Variants in TMEM272 observed in about 807,000 individuals in gnomAD.
TMEM272 encodes transmembrane protein 272.
TMEM272 carries 8 observed loss-of-function variants against 3.7 expected under a neutral mutation model. The observed-to-expected ratio is 2.17, with a 90% confidence interval of 1.27 to 3.91. The LOEUF is 3.91. Among genes scored for constraint, TMEM272 ranks in the 30% most tolerant of loss-of-function variants. TMEM272 has a pLI of 0.00. For missense variants in TMEM272, 166 were observed against 91.5 expected (o/e 1.81, Z -3.32); for synonymous variants, 63 against 39.8 (o/e 1.58, Z -2.20).
At chr13:51,867,474 G>C in the TMEM272 span, among the ~76,000 whole-genome samples, 23 of 152,152 alleles carry the variant, frequency 1.5e-4, no homozygotes, top group African/African-American at 4.6e-4. Flanking sequence ...CAGTGGCTTG[G>C]GGGTGGAGAG....
chr13:51,889,991 C>T, the TMEM272 span, among the ~76,000 whole-genome samples: 18 of 152,000 alleles, frequency 1.2e-4, no homozygotes, highest in East Asian at 1.9e-3. Context: ...ACAATTAAAA[C>T]GGGGTGCATG....
At chr13:51,906,587 C>T in the TMEM272 span, among the ~76,000 whole-genome samples, 1 of 152,192 alleles carries the variant, frequency 6.6e-6, no homozygotes, top group Non-Finnish European at 1.5e-5. Flanking sequence ...AAAGCATCTG[C>T]ATTTCTACAG....
intron 2 of TMEM272, among the ~76,000 whole-genome samples, chr13:51,836,853 G>C (rs1232378064): frequency 6.6e-6 from 1 of 152,182 alleles, no homozygotes; most frequent in African/African-American, 2.4e-5. Context: ...AAATGTTTTT[G>C]TCTGGCTGGA....
At chr13:51,930,132 C>CA in the TMEM272 span, among the ~76,000 whole-genome samples, 1 of 152,158 alleles carries the variant, frequency 6.6e-6, no homozygotes, top group South Asian at 2.1e-4. Flanking sequence ...TGCCTTCCCC[C>CA]CCCCCACTTT....
At chr13:51,869,957 G>A in the TMEM272 span, among the ~76,000 whole-genome samples, 2 of 152,224 alleles carry the variant, frequency 1.3e-5, no homozygotes, top group Non-Finnish European at 2.9e-5. Flanking sequence ...AAGTAGAGGG[G>A]ACGGAGAAGC....
the TMEM272 span, among the ~76,000 whole-genome samples, chr13:51,897,923 T>C: frequency 5.7e-4 from 2 of 3,498 alleles, no homozygotes; most frequent in Admixed American, 4.3e-3. Context: ...TGAGACTCCA[T>C]CTCAAAAAAA....
the TMEM272 span, chr13:51,909,628 C>G: frequency 7.0e-7 from 1 of 1,430,774 alleles, no homozygotes; most frequent in Admixed American, 1.7e-5. Flanking sequence ...TGGTTTCTTT[C>G]TCCTTCTAAG....
chr13:51,862,979 A>G, the TMEM272 span, among the ~76,000 whole-genome samples: 2 of 152,358 alleles, frequency 1.3e-5, no homozygotes, highest in East Asian at 3.9e-4. Context: ...CAAGTGTGAC[A>G]AGTAATAGTG....
At chr13:51,857,613 A>G in the TMEM272 span, among the ~76,000 whole-genome samples, 1 of 152,152 alleles carries the variant, frequency 6.6e-6, no homozygotes, top group Non-Finnish European at 1.5e-5. Flanking sequence ...TATAATCTCC[A>G]GGATAATTGC....
chr13:51,871,222 G>A, the TMEM272 span, among the ~76,000 whole-genome samples: 20 of 144,588 alleles, frequency 1.4e-4, no homozygotes, highest in African/African-American at 4.3e-4. Flanking sequence ...ATGGAGTCTC[G>A]CTCTGTTGCC....
At chr13:51,821,098 C>T (rs972217053) in intron 4 of TMEM272, among the ~76,000 whole-genome samples, 1 of 152,216 alleles carries the variant, frequency 6.6e-6, no homozygotes, top group Non-Finnish European at 1.5e-5. Flanking sequence ...CAGGATCTCT[C>T]CAAGGATCCC....
chr13:51,872,895 C>A, the TMEM272 span, among the ~76,000 whole-genome samples: 1 of 152,178 alleles, frequency 6.6e-6, no homozygotes. Context: ...GTTTTTCAGG[C>A]ACATGAGATC....
At chr13:51,927,636 T>C in the TMEM272 span, among the ~76,000 whole-genome samples, 13 of 152,310 alleles carry the variant, frequency 8.5e-5, no homozygotes, top group East Asian at 1.9e-3. Flanking sequence ...TCTTGTTCAC[T>C]AGCACCCTTT....
At chr13:51,856,590 G>C in the TMEM272 span, among the ~76,000 whole-genome samples, 1 of 152,138 alleles carries the variant, frequency 6.6e-6, no homozygotes, top group Non-Finnish European at 1.5e-5. Flanking sequence ...AAGCAAGATG[G>C]AGTCAACTAT....
At chr13:51,892,873 C>T in the TMEM272 span, among the ~76,000 whole-genome samples, 58 of 152,290 alleles carry the variant, frequency 3.8e-4, no homozygotes, top group Admixed American at 7.2e-4. Flanking sequence ...TTGCCTCACC[C>T]TCCCCTGGTT....
the TMEM272 span, among the ~76,000 whole-genome samples, chr13:51,899,913 T>C: frequency 2.0e-5 from 3 of 152,208 alleles, no homozygotes; most frequent in Non-Finnish European, 4.4e-5. Flanking sequence ...AACAGTCTTT[T>C]CAATAAGTGG....
At chr13:51,923,943 T>C in the TMEM272 span, among the ~76,000 whole-genome samples, 1 of 152,232 alleles carries the variant, frequency 6.6e-6, no homozygotes, top group Non-Finnish European at 1.5e-5. Context: ...TACCTGCCTT[T>C]TGGCACCCCT....
chr13:51,852,405 T>C, the TMEM272 span, among the ~76,000 whole-genome samples: 42,906 of 152,168 alleles, frequency 0.28, 6,126 homozygotes, highest in Middle Eastern at 0.43. Context: ...GCAGTGAACA[T>C]GACAAAGTCT....
upstream of TMEM272, among the ~76,000 whole-genome samples, chr13:51,846,754 G>A (rs2139597658): frequency 6.6e-6 from 1 of 152,200 alleles, no homozygotes; most frequent in South Asian, 2.1e-4. Flanking sequence ...ACCCTGTGTA[G>A]GCCTAGGCTA....
Sources: allele counts gnomAD v4.1 joint callset (sites outside exome capture counted in the v4.1 genomes callset), GRCh38; gene constraint gnomAD v4.1.1; transcripts MANE v1.5; gene names NCBI Gene and HGNC (gene_info 2026-07-23, HGNC 2026-07-21).